The following VIT variants were observed in gnomAD, a reference collection of about 807,000 sequenced individuals.
VIT encodes the protein vitrin.
VIT carries 99 observed loss-of-function variants against 78.0 expected under a neutral mutation model. The ratio of observed to expected loss-of-function variants is 1.27; its 90% CI spans 1.08 to 1.50. The LOEUF is 1.50. Among genes scored for constraint, VIT ranks in the 40% most tolerant of loss-of-function variants. The probability of loss-of-function intolerance (pLI) is 0.00; values close to 1 mark genes in which losing one functional copy is unlikely to be tolerated. For synonymous variants in VIT, 374 were observed against 334.3 expected, an observed-to-expected ratio of 1.12 and a Z score of -1.29; for missense variants, 1,126 against 875.3, an observed-to-expected ratio of 1.29 and a Z score of -3.61.
chr2:36,781,403 A>G (rs1409012933), intron 9 of VIT, among the ~76,000 whole-genome samples: 2 of 152,204 alleles, frequency 1.3e-5, no homozygotes, highest in African/African-American at 4.8e-5. Context: ...CAGGCCAGGG[A>G]TGTTGCAAAA....
intron 14 of VIT, among the ~76,000 whole-genome samples, chr2:36,806,007 C>A (rs566640919): frequency 6.4e-4 from 97 of 152,198 alleles, no homozygotes; most frequent in African/African-American, 2.2e-3. Flanking sequence ...CTCACACACA[C>A]ACACACGCAC....
chr2:36,778,224 C>G (rs1670186605), intron 9 of VIT, among the ~76,000 whole-genome samples: 1 of 152,228 alleles, frequency 6.6e-6, no homozygotes, highest in Non-Finnish European at 1.5e-5. Context: ...GCTGCTGGGG[C>G]TTTTGCCTTC....
intron 14 of VIT, among the ~76,000 whole-genome samples, chr2:36,807,414 G>A (rs140483687): frequency 3.9e-4 from 60 of 152,226 alleles, no homozygotes; most frequent in African/African-American, 1.4e-3. Context: ...TTCACTGCCT[G>A]GTGGAAATCC....
chr2:36,794,563 A>T (rs1019053675), intron 12 of VIT, among the ~76,000 whole-genome samples: 5 of 152,170 alleles, frequency 3.3e-5, no homozygotes, highest in African/African-American at 1.2e-4. Flanking sequence ...CATTATTATG[A>T]TTAGAGTGAA....
At position 36,755,008 on chromosome 2, in the gene VIT, C is replaced by G; in HGVS notation, c.363C>G (p.Val121=). 1 of 1,614,150 alleles carries G rather than the reference C, an allele frequency of 6.2e-7. No homozygotes were observed. The change falls in exon 5 of 16, where the codon GTC becomes GTG. Residue 121 remains valine (V), a synonymous_variant. Transcript: ENST00000379242. Reference sequence around the variant, plus strand: ...ACAAAGGGAGTTATTCCAACGGTGTCCAATCGTTATCCCTACCACGATGGA... The same window carrying G: ...ACAAAGGGAGTTATTCCAACGGTGTGCAATCGTTATCCCTACCACGATGGA... The part of the protein sequence containing the change: ...SGYKGSYSNG[V]QSLSLPRWRE...
chr2:36,729,619 G>C (rs1018464582), intron 3 of VIT, 128 bp downstream of exon 3: 6 of 897,086 alleles, frequency 6.7e-6, no homozygotes, highest in Non-Finnish European at 1.0e-5. Flanking sequence ...TTTCCACTCA[G>C]ATTAATTAGT....
At chr2:36,766,731 C>T (rs190754091) in intron 6 of VIT, among the ~76,000 whole-genome samples, 1 of 152,132 alleles carries the variant, frequency 6.6e-6, no homozygotes, top group East Asian at 1.9e-4. Flanking sequence ...ATTCCAAGGC[C>T]AATGCTAATC....
chr2:36,734,414 C>T (rs1057514954), intron 3 of VIT, among the ~76,000 whole-genome samples: 2 of 152,008 alleles, frequency 1.3e-5, no homozygotes, highest in African/African-American at 4.8e-5. Context: ...CCCTCCTAGG[C>T]AGGGGGCACT....
chr2:36,715,641 A>G (rs142634056), intron 1 of VIT, among the ~76,000 whole-genome samples: 59 of 152,350 alleles, frequency 3.9e-4, no homozygotes, highest in Admixed American at 6.5e-4. Flanking sequence ...TAAAAACTTA[A>G]TTAACTAGAC....
At chr2:36,806,165 G>C (rs1045187301) in intron 14 of VIT, among the ~76,000 whole-genome samples, 6 of 152,176 alleles carry the variant, frequency 3.9e-5, no homozygotes, top group Middle Eastern at 3.2e-3. Flanking sequence ...GAGATGTGGA[G>C]CAATGCCTCC....
chr2:36,731,369 G>A lies in VIT; in HGVS notation c.118+1878G>A, dbSNP rs533746983. Among the ~76,000 whole-genome samples, 5 of 152,222 alleles carry A rather than the reference G, an allele frequency of 3.3e-5. No homozygotes were observed. In the East Asian group the frequency reaches 9.7e-4, roughly 29 times the overall value. On this transcript the variant is annotated intron_variant, in intron 3 of 15. Transcript: ENST00000379242. ...GCTAACTGCGACCTCCACCTCCCGG[G>A]TTCAAGTGATTCTTCTGCCTCAGCC...
At chr2:36,759,172 C>G (rs536452699) in intron 6 of VIT, 126 bp downstream of exon 6, 5 of 1,591,572 alleles carry the variant, frequency 3.1e-6, no homozygotes, top group African/African-American at 1.3e-5. Context: ...AATATTTTAA[C>G]AGATGCCAGG....
At position 36,808,627 on chromosome 2, in the gene VIT, CG is replaced by C. The variant is rs1306953868; in HGVS notation, c.1546del (p.Asp516ThrfsTer18). 4 of 1,614,224 alleles carry C rather than the reference CG, an allele frequency of 2.5e-6. No individual in the cohort carries two copies. The African/African-American group carries it at 5.3e-5, about 22-fold the overall frequency. ...LNSADIGFVI[D>X]GSSSVGTGNF... ...ACTCGGCTGACATTGGCTTCGTCATCGACGGCTCCAGCAGTGTGGGGACGGG... is the reference window on the plus strand; with the variant it reads ...ACTCGGCTGACATTGGCTTCGTCATCACGGCTCCAGCAGTGTGGGGACGGG... On this transcript the variant is annotated frameshift_variant, in exon 15 of 16. Coordinates refer to ENST00000379242, the MANE Select transcript of VIT (RefSeq NM_053276.4). LOFTEE classifies it high-confidence loss of function.
At position 36,748,012 on chromosome 2, in the gene VIT, G is replaced by A. The variant is rs4511703; in HGVS notation, c.275+4756G>A. 3.4e-3 allele frequency among the ~76,000 whole-genome samples: 514 copies of A among 152,276 alleles called. 4 individuals are homozygous for A. Among genetic ancestry groups the A allele is most frequent in the Middle Eastern group, 6.8e-3 (2 of 294 alleles). The stretch of plus-strand genomic sequence containing the variant: ...TAGCTTGGCAGAATACGAAATTTTT[G>A]TTGGGATTTCTTTTCTTTAAGGGTG... On this transcript the variant is annotated intron_variant, in intron 4 of 15. Transcript: ENST00000379242.
chr2:36,716,064 T>C (rs1296863552), intron 1 of VIT, among the ~76,000 whole-genome samples: 2 of 152,216 alleles, frequency 1.3e-5, no homozygotes, highest in Non-Finnish European at 2.9e-5. Context: ...CTTGGACATA[T>C]TCTCAAAATT....
chr2:36,734,564 T>C (rs1667394716), intron 3 of VIT, among the ~76,000 whole-genome samples: 1 of 152,040 alleles, frequency 6.6e-6, no homozygotes, highest in Admixed American at 6.5e-5. Flanking sequence ...AAGTAGAAAG[T>C]AAAGTAGAAG....
At chr2:36,770,916 A>G (rs1444919325) in intron 7 of VIT, among the ~76,000 whole-genome samples, 2 of 152,208 alleles carry the variant, frequency 1.3e-5, no homozygotes, top group Non-Finnish European at 2.9e-5. Context: ...TAGCGATGAC[A>G]GAGATCCTCC....
intron 3 of VIT, among the ~76,000 whole-genome samples, chr2:36,742,747 A>C (rs1213971431): frequency 6.6e-6 from 1 of 152,192 alleles, no homozygotes; most frequent in Non-Finnish European, 1.5e-5. Flanking sequence ...GCTACAGAGC[A>C]TCTGAAAGAC....
rs190114895 is a variant in VIT at position 36,721,303 on chromosome 2, A to C, written c.52+4881A>C. Among the ~76,000 whole-genome samples, 107 of 152,274 alleles carry C rather than the reference A, an allele frequency of 7.0e-4. No individual in the cohort carries two copies. In the East Asian group the frequency reaches 0.014, roughly 20 times the overall value. Reference sequence around the variant, plus strand: ...CTTAATGAAGCTGGGGGGAATAATAAATCACTCTATTAATGAAAAACAAGG... The same window carrying C: ...CTTAATGAAGCTGGGGGGAATAATACATCACTCTATTAATGAAAAACAAGG... On this transcript the variant is annotated intron_variant, in intron 2 of 15. Transcript: ENST00000379242.
Sources: allele counts gnomAD v4.1 joint callset (sites outside exome capture counted in the v4.1 genomes callset), GRCh38; gene constraint gnomAD v4.1.1; transcripts MANE v1.5; gene names NCBI Gene and HGNC (gene_info 2026-07-23, HGNC 2026-07-21).